The following CFAP47 variants were observed in gnomAD, a reference collection of about 807,000 sequenced individuals.
CFAP47 encodes cilia and flagella associated protein 47.
CFAP47 carries 29 observed loss-of-function variants against 148.1 expected under a neutral mutation model. The ratio of observed to expected loss-of-function variants is 0.20; its 90% CI spans 0.15 to 0.27. CFAP47 has a LOEUF of 0.27. Among genes scored for constraint, CFAP47 ranks in the 10% least tolerant of loss-of-function variants. The probability of loss-of-function intolerance (pLI) is 1.00; values close to 1 mark genes in which losing one functional copy is unlikely to be tolerated. For missense variants in CFAP47, 1,872 were observed against 1,697.5 expected (o/e 1.10, Z -1.81); for synonymous variants, 664 against 577.3 (o/e 1.15, Z -2.15).
chrX:35,924,376 T>G (rs1397720922), intron 1 of CFAP47, among the ~76,000 whole-genome samples: 2 of 104,315 alleles, frequency 1.9e-5, no homozygotes, highest in Non-Finnish European at 3.9e-5. Flanking sequence ...TATGTGCATA[T>G]ATGCACACAT....
At chrX:36,382,427 A>G (rs1556024310) in intron 63 of CFAP47, among the ~76,000 whole-genome samples, 1 of 111,630 alleles carries the variant, frequency 9.0e-6, no homozygotes, top group East Asian at 2.8e-4. Flanking sequence ...TACAAAATTG[A>G]TCTATGAAGT....
intron 26 of CFAP47, among the ~76,000 whole-genome samples, chrX:36,049,488 T>TCTCA (rs751788515): frequency 6.6e-4 from 61 of 92,277 alleles, no homozygotes; most frequent in Middle Eastern, 5.8e-3. Flanking sequence ...TTTCTCTCTC[T>TCTCA]CACACACACA....
At chrX:36,208,797 C>G (rs1940068355) in intron 45 of CFAP47, among the ~76,000 whole-genome samples, 1 of 110,661 alleles carries the variant, frequency 9.0e-6, no homozygotes, top group Non-Finnish European at 1.9e-5. Context: ...GAAACCCCGT[C>G]TCTACTAAAA....
chrX:35,946,320 G>T (rs1212185628), intron 3 of CFAP47, among the ~76,000 whole-genome samples: 1 of 111,777 alleles, frequency 8.9e-6, no homozygotes, highest in African/African-American at 3.2e-5. Flanking sequence ...AACATATTTA[G>T]AAAATTAAAC....
chrX:36,269,671 T>C (rs1218094055), intron 49 of CFAP47, among the ~76,000 whole-genome samples: 1 of 112,205 alleles, frequency 8.9e-6, no homozygotes, highest in African/African-American at 3.2e-5. Flanking sequence ...ATAATTGAGA[T>C]ACAATAAATT....
chrX:36,043,211 A>G (rs1186813778), intron 25 of CFAP47, among the ~76,000 whole-genome samples: 1 of 112,305 alleles, frequency 8.9e-6, no homozygotes, highest in Admixed American at 9.4e-5. Context: ...ACATTTAAGT[A>G]TTAATATATA....
intron 33 of CFAP47, among the ~76,000 whole-genome samples, chrX:36,115,827 A>C (rs763174176): frequency 8.9e-6 from 1 of 111,992 alleles, no homozygotes; most frequent in South Asian, 3.7e-4. Flanking sequence ...CCTCACAAAA[A>C]TTGATTCATC....
intron 46 of CFAP47, 42 bp from the exon 47 acceptor site, chrX:36,235,892 A>G (rs782124942): frequency 5.1e-5 from 22 of 430,610 alleles, no homozygotes; most frequent in Middle Eastern, 4.4e-4. Context: ...AATTTCATCA[A>G]TATCATCTCT....
chrX:36,121,718 T>C (rs1189965013), intron 33 of CFAP47, among the ~76,000 whole-genome samples: 2 of 111,655 alleles, frequency 1.8e-5, no homozygotes, highest in African/African-American at 3.3e-5. Context: ...TTTCTTTTTA[T>C]ATTGTATAGT....
intron 49 of CFAP47, among the ~76,000 whole-genome samples, chrX:36,265,233 A>G (rs1210925260): frequency 1.8e-5 from 2 of 111,961 alleles, no homozygotes; most frequent in Non-Finnish European, 3.8e-5. Context: ...TAGAAATGCT[A>G]CTGATTTTTT....
intron 15 of CFAP47, among the ~76,000 whole-genome samples, chrX:35,987,270 T>G (rs944798899): frequency 1.8e-5 from 2 of 111,715 alleles, no homozygotes; most frequent in Non-Finnish European, 3.8e-5. Flanking sequence ...AGCCCCTGAC[T>G]GGGGCTGCTG....
intron 3 of CFAP47, among the ~76,000 whole-genome samples, chrX:35,944,845 G>A (rs12007724): frequency 1.8e-5 from 2 of 111,739 alleles, no homozygotes; most frequent in Admixed American, 9.5e-5. Context: ...AGCTGTAGCT[G>A]TGGGTACCCT....
intron 45 of CFAP47, among the ~76,000 whole-genome samples, chrX:36,214,743 A>G (rs1367153981): frequency 9.0e-6 from 1 of 110,659 alleles, no homozygotes; most frequent in Non-Finnish European, 1.9e-5. Context: ...CCACCTCCAC[A>G]TCTTGTCCCA....
In CFAP47 at chrX:36,190,096, C is replaced by G. The variant is rs1352934969; in HGVS notation, c.6221C>G (p.Thr2074Ser). ...AGAGAGTTCTTCTGCTCCATGCATA[C>G]TGTTCACCTGGGAGTGAAAGGAACT... ...FIREFFCSMH[T>S]VHLGVKGTSS... Residue 2074 changes from threonine (T) to serine (S), a missense_variant, in exon 42 of 64, where the codon ACT becomes AGT. Transcript: ENST00000378653. 1 of 297,959 alleles carries G rather than the reference C, an allele frequency of 3.4e-6. No homozygotes were observed. Among genetic ancestry groups the G allele is most frequent in the Non-Finnish European group, 5.9e-6 (1 of 170,239 alleles). 24.6% of individuals were successfully genotyped at this position (297,959 alleles called of 1,213,427 possible).
intron 55 of CFAP47, among the ~76,000 whole-genome samples, chrX:36,310,466 G>T (rs1467544810): frequency 9.4e-6 from 1 of 106,823 alleles, no homozygotes. Flanking sequence ...CACCCAAAGA[G>T]TTTGGAAACT....
intron 56 of CFAP47, among the ~76,000 whole-genome samples, chrX:36,317,467 T>C (rs1332320484): frequency 9.1e-6 from 1 of 109,844 alleles, no homozygotes; most frequent in Admixed American, 9.7e-5. Context: ...TGGAGTGCAG[T>C]GGTGTGATCT....
rs782064423 is a variant in CFAP47 at position 36,310,984 on chromosome X, T to G, written c.8339T>G (p.Leu2780Arg). Residue 2780 changes from leucine (L) to arginine (R), a missense_variant, in exon 56 of 64, where the codon CTG becomes CGG. Transcript: ENST00000378653. ...GAAGATGTCCTCATTGATATAATACTGACAAGTAAGTTGTTTTTCTTATAT... is the reference window on the plus strand; with the variant it reads ...GAAGATGTCCTCATTGATATAATACGGACAAGTAAGTTGTTTTTCTTATAT... Reference protein sequence around the residue: ...TMEDVLIDIILTSVEHPRNLV... With the variant: ...TMEDVLIDIIRTSVEHPRNLV... 1 of 1,063,837 alleles carries G rather than the reference T, an allele frequency of 9.4e-7. No individual in the cohort carries two copies. Among genetic ancestry groups the G allele is most frequent in the South Asian group, 2.6e-5 (1 of 38,988 alleles). The allele number at this position is 1,063,837 out of a possible 1,213,427, so 87.7% of individuals were successfully genotyped here.
At chrX:36,343,309 G>C (rs1408911791) in intron 57 of CFAP47, among the ~76,000 whole-genome samples, 6 of 111,898 alleles carry the variant, frequency 5.4e-5, no homozygotes, top group African/African-American at 1.9e-4. Flanking sequence ...AGACATTTAT[G>C]CAGCCAACAA....
Position 35,954,259 on chromosome X carries a change from G to C in CFAP47, c.1174+540G>C, listed in dbSNP as rs1312179446. ...CAGGTTATATTAGGTTGGTTATAGT[G>C]AGGAAAAAAATGGAATGGGACTTGG... On this transcript the variant is annotated intron_variant, in intron 7 of 63. Transcript: ENST00000378653. Among the ~76,000 whole-genome samples, 10 of 110,535 alleles carry C rather than the reference G, an allele frequency of 9.0e-5. No homozygotes were observed. The Admixed American group carries it at 9.7e-4, about 11-fold the overall frequency.
Sources: gnomAD v4.1 joint callset for allele counts (sites outside exome capture counted in the v4.1 genomes callset) on GRCh38, gnomAD v4.1.1 for gene constraint, MANE v1.5 for transcripts, NCBI Gene and HGNC (gene_info 2026-07-23, HGNC 2026-07-21) for gene names.